The following DERA variants were observed in gnomAD, a reference collection of about 807,000 sequenced individuals.
The protein encoded by DERA is deoxyribose-phosphate aldolase.
In DERA, 15 loss-of-function variants were observed where a neutral mutation model predicts 41.1. The ratio of observed to expected loss-of-function variants is 0.37; its 90% confidence interval spans 0.24 to 0.56. DERA has a LOEUF of 0.56. Ranked by LOEUF, DERA falls within the 20% of genes least tolerant of loss-of-function variation. The pLI is 0.81. For missense variants in DERA, 396 were observed against 403.4 expected (o/e 0.98, Z 0.16); for synonymous variants, 139 against 137.4 (o/e 1.01, Z -0.08).
intron 1 of DERA, among the ~76,000 whole-genome samples, chr12:15,920,327 T>C (rs1224237118): frequency 1.3e-5 from 2 of 152,156 alleles, no homozygotes; most frequent in Non-Finnish European, 2.9e-5. Context: ...AACTGAGACC[T>C]AGGGAAGTTA....
rs915835266 is a variant in DERA, at chr12:15,983,849, TGTTATC to T, written c.637+1414_637+1419del. On this transcript the variant is annotated intron_variant, in intron 6 of 8. Coordinates refer to ENST00000428559, the MANE Select transcript of DERA (RefSeq NM_015954.4). The surrounding 1 kb of genome is among the most constrained non-coding windows in gnomAD (Gnocchi z 6.2). The stretch of plus-strand genomic sequence containing the variant: ...GCTGTATCTAGAAAATATCTGCAGT[TGTTATC>T]TGAGAGCAAAATCTCAGAAAAACCT... Among the ~76,000 whole-genome samples, 18 of 152,286 alleles carry T rather than the reference TGTTATC, an allele frequency of 1.2e-4. No homozygotes were observed. Among genetic ancestry groups the T allele is most frequent in the Admixed American group, 9.2e-4 (14 of 15,296 alleles).
intron 6 of DERA, among the ~76,000 whole-genome samples, chr12:15,986,197 AT>A (rs1250884391): frequency 1.3e-5 from 2 of 151,924 alleles, no homozygotes; most frequent in Non-Finnish European, 2.9e-5. Flanking sequence ...CATGGTATAT[AT>A]TTTTTTCCAT....
chr12:15,953,262 T>C (rs1036534828), intron 1 of DERA, among the ~76,000 whole-genome samples: 1 of 152,198 alleles, frequency 6.6e-6, no homozygotes, highest in African/African-American at 2.4e-5. Context: ...TTTTTGTGTA[T>C]GAGGAACAAA....
intron 1 of DERA, among the ~76,000 whole-genome samples, chr12:15,929,045 G>A (rs1948308262): frequency 6.6e-6 from 1 of 152,174 alleles, no homozygotes; most frequent in Non-Finnish European, 1.5e-5. Flanking sequence ...TCTTCCACCA[G>A]GGCTTCGGGT....
chr12:15,980,609 G>A (rs1419646815), intron 5 of DERA, among the ~76,000 whole-genome samples: 1 of 152,086 alleles, frequency 6.6e-6, no homozygotes, highest in Non-Finnish European at 1.5e-5. Flanking sequence ...GGAGGCATAA[G>A]TAGGATGATT....
chr12:16,015,751 A>G (rs903900707), intron 6 of DERA, among the ~76,000 whole-genome samples: 8 of 152,350 alleles, frequency 5.3e-5, no homozygotes, highest in African/African-American at 1.9e-4. Flanking sequence ...CTAATGGGAA[A>G]CCATGTCCAG....
Position 15,999,452 on chromosome 12 carries a change from A to G in DERA, c.637+17016A>G, listed in dbSNP as rs769045529. ...CGTTTTCCAAGCACTTCAGGAACAC[A>G]GCTGACCTTCTCTGGAGGAGTCATA... On this transcript the variant is annotated intron_variant, in intron 6 of 8. Transcript: ENST00000428559. This position sits in a 1 kb window ranked among gnomAD's most constrained non-coding sequence, Gnocchi z 5.3. Among the ~76,000 whole-genome samples the G allele has an allele frequency of 6.6e-6, 1 of 152,236 alleles. No homozygotes were observed. Among genetic ancestry groups the G allele is most frequent in the Non-Finnish European group, 1.5e-5 (1 of 68,048 alleles).
rs1948950482 is a variant in DERA at position 16,012,103 on chromosome 12, C to T, written c.638-20439C>T. Among the ~76,000 whole-genome samples the T allele has an allele frequency of 6.6e-6, 1 of 152,198 alleles. No homozygotes were observed. Among genetic ancestry groups the T allele is most frequent in the Non-Finnish European group, 1.5e-5 (1 of 68,036 alleles). On this transcript the variant is annotated intron_variant, in intron 6 of 8. Transcript: ENST00000428559. The surrounding 1 kb of genome is among the most constrained non-coding windows in gnomAD (Gnocchi z 4.1). Reference sequence around the variant, plus strand: ...CTTGTCTTGTACACTGCTGTGTATGCACTTTATAGAAAAGTACTAGCATAG... The same window carrying T: ...CTTGTCTTGTACACTGCTGTGTATGTACTTTATAGAAAAGTACTAGCATAG...
At chr12:15,980,530 G>T (rs1948725608) in intron 5 of DERA, among the ~76,000 whole-genome samples, 2 of 151,968 alleles carry the variant, frequency 1.3e-5, no homozygotes, top group African/African-American at 4.8e-5. Context: ...TGAATTAAAA[G>T]AATATAATTT....
rs1019720620 is a variant in DERA at position 16,020,325 on chromosome 12, C to T, written c.638-12217C>T. 2.0e-5 allele frequency among the ~76,000 whole-genome samples: 3 copies of T among 152,128 alleles called. No homozygotes were observed. Among genetic ancestry groups the T allele is most frequent in the African/African-American group, 7.2e-5 (3 of 41,422 alleles). On this transcript the variant is annotated intron_variant, in intron 6 of 8. Transcript: ENST00000428559. This position sits in a 1 kb window ranked among gnomAD's most constrained non-coding sequence, Gnocchi z 5.5. ...GCTACACACTTTTAAACCACCAGAT[C>T]TCATATTAACTCACTATTGCGAGAA...
intron 5 of DERA, among the ~76,000 whole-genome samples, chr12:15,969,757 A>G (rs1948647646): frequency 1.3e-5 from 2 of 152,340 alleles, no homozygotes; most frequent in African/African-American, 2.4e-5. Context: ...TTACACAAGA[A>G]GGATGGTAGA....
rs1478102179 is a variant in DERA, at chr12:15,972,760, C to G, written c.509-9548C>G. Among the ~76,000 whole-genome samples the G allele has an allele frequency of 1.3e-5, 2 of 152,170 alleles. No homozygotes were observed. Among genetic ancestry groups the G allele is most frequent in the East Asian group, 3.9e-4 (2 of 5,176 alleles). On this transcript the variant is annotated intron_variant, in intron 5 of 8. Transcript: ENST00000428559. The surrounding 1 kb of genome is among the most constrained non-coding windows in gnomAD (Gnocchi z 4.4). The stretch of plus-strand genomic sequence containing the variant: ...ACAGGGGAAAGTTGCTCACAACTCT[C>G]AGGAGAAGGGATCTGCGTTCAGGGA...
At position 15,935,562 on chromosome 12, in the gene DERA, A is replaced by G. The variant is rs925547941; in HGVS notation, c.32-21374A>G. 7.9e-5 allele frequency among the ~76,000 whole-genome samples: 12 copies of G among 152,216 alleles called. No individual in the cohort carries two copies. Among genetic ancestry groups the G allele is most frequent in the Non-Finnish European group, 1.5e-4 (10 of 68,038 alleles). ...TATAATATATGTTCAGTTTTCACAT[A>G]TCTGTACCAGTTTCAGTGTAATTTG... On this transcript the variant is annotated intron_variant, in intron 1 of 8. Transcript: ENST00000428559. The surrounding 1 kb of genome is among the most constrained non-coding windows in gnomAD (Gnocchi z 4.8).
intron 1 of DERA, among the ~76,000 whole-genome samples, chr12:15,949,376 A>G (rs990134642): frequency 4.6e-5 from 7 of 151,924 alleles, no homozygotes; most frequent in African/African-American, 1.7e-4. Flanking sequence ...AGCTCTGTTT[A>G]CCTATTCAGG....
intron 6 of DERA, among the ~76,000 whole-genome samples, chr12:16,015,174 G>T (rs1948972692): frequency 6.6e-6 from 1 of 152,208 alleles, no homozygotes; most frequent in African/African-American, 2.4e-5. Context: ...TCGGGGGACT[G>T]TCGAGAAGGC....
At position 16,015,679 on chromosome 12, in the gene DERA, A is replaced by G. The variant is rs568219428; in HGVS notation, c.638-16863A>G. On this transcript the variant is annotated intron_variant, in intron 6 of 8. Coordinates refer to ENST00000428559, the MANE Select transcript of DERA (RefSeq NM_015954.4). The stretch of plus-strand genomic sequence containing the variant: ...AATAGATAACTATCTATTTAAACCA[A>G]TGACGGGTTACATCTTGTTGATTAG... Among the ~76,000 whole-genome samples, 8 of 152,354 alleles carry G rather than the reference A, an allele frequency of 5.3e-5. No individual in the cohort carries two copies. The East Asian group carries it at 1.5e-3, about 29-fold the overall frequency.
chr12:15,987,452 G>C (rs1294741585), intron 6 of DERA, among the ~76,000 whole-genome samples: 1 of 151,760 alleles, frequency 6.6e-6, no homozygotes, highest in Non-Finnish European at 1.5e-5. Context: ...GGCCGGGTTG[G>C]TCTGAAACTC....
At chr12:15,963,086 C>A in intron 5 of DERA, 139 bp downstream of exon 5, 1 of 1,235,872 alleles carries the variant, frequency 8.1e-7, no homozygotes, top group Non-Finnish European at 1.1e-6. Context: ...TAGGAGAAAG[C>A]AGGCTAAGAT....
In DERA at chr12:15,989,150, C is replaced by T. The variant is rs1948785241; in HGVS notation, c.637+6714C>T. On this transcript the variant is annotated intron_variant, in intron 6 of 8. Coordinates refer to ENST00000428559, the MANE Select transcript of DERA (RefSeq NM_015954.4). This position sits in a 1 kb window ranked among gnomAD's most constrained non-coding sequence, Gnocchi z 5.2. ...TTGGATGCAGCTGCCCCTGGGAGCA[C>T]AGGGCTCCTGCCCTACCAACATGGT... 6.6e-6 allele frequency among the ~76,000 whole-genome samples: 1 copy of T among 152,192 alleles called. No homozygotes were observed. The highest frequency in any genetic ancestry group is 2.4e-5 in the African/African-American group (1 of 41,466).
Sources: gnomAD v4.1 joint callset for allele counts (sites outside exome capture counted in the v4.1 genomes callset) on GRCh38, gnomAD v4.1.1 for gene constraint, Gnocchi (gnomAD v3.1) non-coding constraint, MANE v1.5 for transcripts, NCBI Gene and HGNC (gene_info 2026-07-23, HGNC 2026-07-21) for gene names.